The following DNER variants were observed in gnomAD, a reference collection of about 807,000 sequenced individuals.
The protein encoded by DNER is delta/notch like EGF repeat containing.
In DNER, 33 loss-of-function variants were observed where a neutral mutation model predicts 78.2. The ratio of observed to expected loss-of-function variants is 0.42; its 90% CI spans 0.32 to 0.56. DNER has a LOEUF of 0.56. Among genes scored for constraint, DNER ranks in the 20% least tolerant of loss-of-function variants. The pLI is 0.11. For synonymous variants in DNER, 417 were observed against 384.8 expected, an observed-to-expected ratio of 1.08 and a Z score of -0.98; for missense variants, 918 against 975.3, an observed-to-expected ratio of 0.94 and a Z score of 0.78.
At chr2:229,479,907 C>A (rs563989592) in intron 6 of DNER, among the ~76,000 whole-genome samples, 2 of 152,182 alleles carry the variant, frequency 1.3e-5, no homozygotes, top group South Asian at 4.1e-4. Context: ...CAAGTGGTAG[C>A]TTCTTAGAGG....
intron 1 of DNER, among the ~76,000 whole-genome samples, chr2:229,658,587 C>T (rs1446106639): frequency 6.6e-6 from 1 of 152,178 alleles, no homozygotes; most frequent in East Asian, 1.9e-4. Context: ...ATTAAGCACT[C>T]ACAATGTGCC....
intron 1 of DNER, among the ~76,000 whole-genome samples, chr2:229,655,674 C>T (rs898432226): frequency 6.6e-6 from 1 of 152,164 alleles, no homozygotes; most frequent in African/African-American, 2.4e-5. Flanking sequence ...CATGTCCTAA[C>T]CCCCAAAACC....
intron 4 of DNER, among the ~76,000 whole-genome samples, chr2:229,577,654 G>A (rs1469706134): frequency 6.6e-6 from 1 of 152,084 alleles, no homozygotes; most frequent in Admixed American, 6.5e-5. Flanking sequence ...ACAAAGAAGT[G>A]TGGATAAAGC....
chr2:229,409,197 A>G (rs1001247125), intron 9 of DNER, among the ~76,000 whole-genome samples: 12 of 152,194 alleles, frequency 7.9e-5, no homozygotes, highest in South Asian at 2.1e-4. Context: ...CCTGGGCTCA[A>G]TTGAAAGAAT....
chr2:229,688,814 TA>T (rs1699525310), intron 1 of DNER, among the ~76,000 whole-genome samples: 1 of 152,006 alleles, frequency 6.6e-6, no homozygotes. Context: ...TATGCAGCCA[TA>T]AAAAGGAATG....
Position 229,520,363 on chromosome 2 carries a change from ACT to A in DNER, c.994-7429_994-7428del, listed in dbSNP as rs571770381. Reference sequence around the variant, plus strand: ...CCAAGAGGCGACTAACAGGCCCCTAACTCTGAAAACGAAATGGAGATGATTCA... The same window carrying A: ...CCAAGAGGCGACTAACAGGCCCCTAACTGAAAACGAAATGGAGATGATTCA... On this transcript the variant is annotated intron_variant, in intron 5 of 12. Coordinates refer to ENST00000341772, the MANE Select transcript of DNER (RefSeq NM_139072.4). Among the ~76,000 whole-genome samples the A allele has an allele frequency of 2.6e-4, 40 of 152,298 alleles. No homozygotes were observed. In the South Asian group the frequency reaches 5.6e-3, roughly 21 times the overall value.
At chr2:229,580,031 AAAAC>A (rs1249146261) in intron 4 of DNER, 13 of 152,206 alleles carry the variant, frequency 8.5e-5, no homozygotes, top group African/African-American at 2.2e-4. Flanking sequence ...CTCAAGAGAA[AAAAC>A]AAACAAAGTG....
At chr2:229,643,378 T>G (rs1485002537) in intron 1 of DNER, among the ~76,000 whole-genome samples, 3 of 152,192 alleles carry the variant, frequency 2.0e-5, no homozygotes. Flanking sequence ...AGGAGATGTT[T>G]GTGAAAGAAG....
chr2:229,699,702 T>C (rs1025001548), intron 1 of DNER, among the ~76,000 whole-genome samples: 1 of 152,178 alleles, frequency 6.6e-6, no homozygotes, highest in South Asian at 2.1e-4. Flanking sequence ...AGAATCAACC[T>C]TATCAATACA....
chr2:229,710,977 ACACGCG>A (rs1342797545), intron 1 of DNER, among the ~76,000 whole-genome samples: 276 of 95,224 alleles, frequency 2.9e-3, no homozygotes, highest in African/African-American at 0.013. Context: ...TGGCATGCAT[ACACGCG>A]CACACACACA....
rs184415201 is a variant in DNER, at chr2:229,656,938, A to T, written c.276+57210T>A. ...TAATACACATATATATTGTAAAGTG[A>T]TTACCAAGTCAAGGTAATTAACAAG... On this transcript the variant is annotated intron_variant, in intron 1 of 12. Coordinates refer to ENST00000341772, the MANE Select transcript of DNER (RefSeq NM_139072.4). Among the ~76,000 whole-genome samples the T allele has an allele frequency of 7.5e-4, 114 of 152,038 alleles. 2 individuals are homozygous for T. Among genetic ancestry groups the T allele is most frequent in the African/African-American group, 2.6e-3 (106 of 41,470 alleles).
At chr2:229,681,912 G>A (rs1380686595) in intron 1 of DNER, among the ~76,000 whole-genome samples, 1 of 151,118 alleles carries the variant, frequency 6.6e-6, no homozygotes, top group East Asian at 1.9e-4. Context: ...ACATAATTAT[G>A]TATTTTTTAA....
chr2:229,445,706 C>T (rs913396447), intron 8 of DNER, among the ~76,000 whole-genome samples: 7 of 152,188 alleles, frequency 4.6e-5, no homozygotes, highest in African/African-American at 9.6e-5. Flanking sequence ...CTGCCAGCTT[C>T]CCTACGGATT....
At chr2:229,364,401 C>T (rs376891977) in intron 12 of DNER, among the ~76,000 whole-genome samples, 1 of 152,224 alleles carries the variant, frequency 6.6e-6, no homozygotes, top group East Asian at 1.9e-4. Flanking sequence ...AAAGCTACTA[C>T]CCTTTATTTA....
intron 4 of DNER, among the ~76,000 whole-genome samples, chr2:229,548,365 G>A (rs1319563843): frequency 6.6e-6 from 1 of 152,184 alleles, no homozygotes; most frequent in African/African-American, 2.4e-5. Flanking sequence ...ATGATAGACT[G>A]GATTAAGAAA....
chr2:229,690,621 A>G (rs1427774289), intron 1 of DNER, among the ~76,000 whole-genome samples: 1 of 152,202 alleles, frequency 6.6e-6, no homozygotes, highest in Non-Finnish European at 1.5e-5. Context: ...AACAAACACT[A>G]ATATTAAGTT....
At chr2:229,410,539 G>T (rs1001730110) in intron 9 of DNER, among the ~76,000 whole-genome samples, 5 of 152,162 alleles carry the variant, frequency 3.3e-5, no homozygotes, top group African/African-American at 1.2e-4. Flanking sequence ...TAAGTCTGTG[G>T]AATGACACAT....
At chr2:229,513,633 C>T (rs1339419951) in intron 5 of DNER, among the ~76,000 whole-genome samples, 2 of 152,110 alleles carry the variant, frequency 1.3e-5, no homozygotes, top group Non-Finnish European at 2.9e-5. Flanking sequence ...TAATGACAGC[C>T]TAGGGGTACG....
At chr2:229,461,152 A>G (rs1468301228) in intron 7 of DNER, among the ~76,000 whole-genome samples, 6 of 152,010 alleles carry the variant, frequency 3.9e-5, no homozygotes, top group Non-Finnish European at 7.4e-5. Flanking sequence ...AAATAAACCA[A>G]TATTCTCATT....
Sources: allele counts gnomAD v4.1 joint callset (sites outside exome capture counted in the v4.1 genomes callset), GRCh38; gene constraint gnomAD v4.1.1; transcripts MANE v1.5; gene names NCBI Gene and HGNC (gene_info 2026-07-23, HGNC 2026-07-21).